Variants in PTCHD4 observed in about 807,000 individuals in gnomAD.
The protein encoded by PTCHD4 is patched domain-containing protein 4.
A neutral mutation model predicts 58.1 loss-of-function variants in PTCHD4; 33 were observed. The ratio of observed to expected loss-of-function variants is 0.57; its 90% confidence interval spans 0.43 to 0.76. PTCHD4 has a LOEUF of 0.76. Ranked by LOEUF, PTCHD4 falls within the 30% of genes least tolerant of loss-of-function variation. The probability of loss-of-function intolerance (pLI) is 0.00; values close to 1 mark genes in which losing one functional copy is unlikely to be tolerated. For missense variants in PTCHD4, 1,058 were observed against 1,027.1 expected (o/e 1.03, Z -0.41); for synonymous variants, 478 against 409.6 (o/e 1.17, Z -2.02).
In PTCHD4 at chr6:47,872,325, AT is replaced by A. The variant is rs1027252283; in HGVS notation, c.*5977del. 2.0e-5 allele frequency among the ~76,000 whole-genome samples: 3 copies of A among 151,544 alleles called. No homozygotes were observed. Among genetic ancestry groups the A allele is most frequent in the Admixed American group, 6.6e-5 (1 of 15,178 alleles). ...CAATGCAGTCTTCCAAAGCATTAGA[AT>A]TTTTTTCCCCCTCTGGTTTGACAGA... is the stretch of plus-strand genomic sequence containing the variant. On this transcript the variant is annotated 3_prime_UTR_variant, in exon 5 of 5. Coordinates refer to ENST00000339488, the MANE Select transcript of PTCHD4 (RefSeq NM_001384253.1).
At chr6:48,091,343 A>G (rs1338104283) in intron 1 of PTCHD4, among the ~76,000 whole-genome samples, 2 of 152,142 alleles carry the variant, frequency 1.3e-5, no homozygotes, top group African/African-American at 2.4e-5. Context: ...TCATAGTAGT[A>G]GTATTCAAAA....
intron 4 of PTCHD4, among the ~76,000 whole-genome samples, chr6:47,984,677 A>G (rs1300291174): frequency 1.3e-5 from 2 of 152,146 alleles, no homozygotes; most frequent in Non-Finnish European, 2.9e-5. Flanking sequence ...GAATATCTAA[A>G]TATACCCATG....
At chr6:48,077,233 C>T (rs1221648285) in intron 1 of PTCHD4, among the ~76,000 whole-genome samples, 1 of 152,072 alleles carries the variant, frequency 6.6e-6, no homozygotes, top group Non-Finnish European at 1.5e-5. Flanking sequence ...TCTTAAGGGC[C>T]CTAGGATTTT....
At chr6:47,898,502 G>A (rs1581845722) in intron 4 of PTCHD4, among the ~76,000 whole-genome samples, 1 of 152,132 alleles carries the variant, frequency 6.6e-6, no homozygotes, top group African/African-American at 2.4e-5. Context: ...AAGAATGAAA[G>A]CATGGGGCCA....
At chr6:48,078,201 A>C (rs955855509) in intron 1 of PTCHD4, among the ~76,000 whole-genome samples, 3 of 152,202 alleles carry the variant, frequency 2.0e-5, no homozygotes, top group African/African-American at 7.2e-5. Context: ...TAGGTTTGCC[A>C]CATCTTAAAA....
At chr6:48,008,444 GT>G (rs150188058) in intron 4 of PTCHD4, among the ~76,000 whole-genome samples, 189 bp downstream of exon 4, 9,175 of 152,112 alleles carry the variant, frequency 0.06, 376 homozygotes, top group African/African-American at 0.11. Context: ...TGAGTAGATG[GT>G]TTTGCTTATC....
At chr6:47,882,498 G>A (rs559183323) in intron 4 of PTCHD4, among the ~76,000 whole-genome samples, 1 of 151,934 alleles carries the variant, frequency 6.6e-6, no homozygotes, top group African/African-American at 2.4e-5. Context: ...TCATTTGACT[G>A]TCACAATAAT....
intron 4 of PTCHD4, among the ~76,000 whole-genome samples, chr6:47,920,343 G>T (rs925137869): frequency 7.2e-5 from 11 of 152,144 alleles, no homozygotes; most frequent in African/African-American, 2.2e-4. Flanking sequence ...CTGAGTGATT[G>T]TGTGGCTTGT....
intron 1 of PTCHD4, among the ~76,000 whole-genome samples, chr6:48,072,217 A>G (rs1764989144): frequency 6.6e-6 from 1 of 152,184 alleles, no homozygotes; most frequent in African/African-American, 2.4e-5. Flanking sequence ...AATCTTGTGC[A>G]CAAGATATTT....
chr6:48,082,154 C>G (rs144423150), intron 1 of PTCHD4, among the ~76,000 whole-genome samples: 37 of 152,240 alleles, frequency 2.4e-4, no homozygotes, highest in Non-Finnish European at 5.1e-4. Context: ...AAATATGCCA[C>G]AGGAAAAACA....
chr6:48,066,006 T>C (rs1162152285), intron 3 of PTCHD4, among the ~76,000 whole-genome samples: 1 of 152,140 alleles, frequency 6.6e-6, no homozygotes, highest in African/African-American at 2.4e-5. Context: ...GAAGCACCTG[T>C]TATAGGCCTA....
At chr6:48,066,710 C>T (rs182797366) in intron 3 of PTCHD4, among the ~76,000 whole-genome samples, 32 of 152,040 alleles carry the variant, frequency 2.1e-4, no homozygotes, top group Admixed American at 9.2e-4. Flanking sequence ...TCATCTGTTT[C>T]GTTTCACTAA....
intron 3 of PTCHD4, among the ~76,000 whole-genome samples, chr6:48,014,942 G>A (rs1316258649): frequency 6.6e-6 from 1 of 152,090 alleles, no homozygotes; most frequent in East Asian, 1.9e-4. Flanking sequence ...TGTTCTTTAT[G>A]ATTAAAAGTT....
rs1297956659 is a variant in PTCHD4, at chr6:47,864,570, T to C, written c.*13733A>G. ...AGGGCATCGCATAAAGCTACGTGGA[T>C]GATCAAGCTGCTGTGTGGCCCCATT... is the stretch of plus-strand genomic sequence containing the variant. On this transcript the variant is annotated 3_prime_UTR_variant, in exon 5 of 5. Coordinates refer to ENST00000339488, the MANE Select transcript of PTCHD4 (RefSeq NM_001384253.1). 6.6e-6 allele frequency among the ~76,000 whole-genome samples: 1 copy of C among 151,916 alleles called. No individual in the cohort carries two copies. The highest frequency in any genetic ancestry group is 1.9e-4 in the East Asian group (1 of 5,138).
intron 3 of PTCHD4, among the ~76,000 whole-genome samples, chr6:48,039,365 T>C (rs1326246089): frequency 2.6e-5 from 4 of 152,078 alleles, no homozygotes; most frequent in African/African-American, 9.7e-5. Context: ...TAGGATTCAA[T>C]GCTTATCTGA....
At chr6:47,928,673 T>C (rs1379379053) in intron 4 of PTCHD4, among the ~76,000 whole-genome samples, 1 of 152,218 alleles carries the variant, frequency 6.6e-6, no homozygotes, top group Non-Finnish European at 1.5e-5. Flanking sequence ...TTGTATTATA[T>C]TCAGATATAT....
At chr6:47,915,911 G>A (rs1765228581) in intron 4 of PTCHD4, among the ~76,000 whole-genome samples, 1 of 152,076 alleles carries the variant, frequency 6.6e-6, no homozygotes, top group Non-Finnish European at 1.5e-5. Context: ...TGGACTGGGT[G>A]GTGATACTGT....
intron 4 of PTCHD4, among the ~76,000 whole-genome samples, chr6:47,925,124 T>C (rs1581887283): frequency 6.6e-6 from 1 of 150,468 alleles, no homozygotes; most frequent in South Asian, 2.1e-4. Context: ...ATACATTTTA[T>C]ATATGTATAT....
intron 4 of PTCHD4, among the ~76,000 whole-genome samples, chr6:47,984,041 T>C (rs1160070648): frequency 6.6e-6 from 1 of 152,198 alleles, no homozygotes; most frequent in East Asian, 1.9e-4. Flanking sequence ...ACATCATCAA[T>C]AAGTGTTTTA....
Sources: allele counts gnomAD v4.1 joint callset (sites outside exome capture counted in the v4.1 genomes callset), GRCh38; gene constraint gnomAD v4.1.1; transcripts MANE v1.5; gene names NCBI Gene and HGNC (gene_info 2026-07-23, HGNC 2026-07-21).